The following PEAK1 variants were observed in gnomAD, a reference collection of about 807,000 sequenced individuals.
PEAK1 encodes inactive tyrosine-protein kinase PEAK1.
In PEAK1, 54 loss-of-function variants were observed where a neutral mutation model predicts 124.7. The ratio of observed to expected loss-of-function variants is 0.43; its 90% CI spans 0.35 to 0.54. PEAK1 has a LOEUF of 0.54. Among genes scored for constraint, PEAK1 ranks in the 20% least tolerant of loss-of-function variants. The pLI is 0.01. For synonymous variants in PEAK1, 719 were observed against 760.0 expected (o/e 0.95, Z 0.89); for missense variants, 2,046 against 2,134.5 (o/e 0.96, Z 0.82).
chr15:77,347,848 C>A (rs951233557), intron 2 of PEAK1: 56 of 984,396 alleles, frequency 5.7e-5, no homozygotes, highest in Non-Finnish European at 6.6e-5. Context: ...AAAGCATCTA[C>A]AACATTAAAC....
chr15:77,204,866 T>G (rs2058555598), intron 6 of PEAK1: 1 of 167,426 alleles, frequency 6.0e-6, no homozygotes, highest in Admixed American at 6.5e-5. Context: ...ATTGTGCCAC[T>G]GCACTCCAGC....
chr15:77,132,348 G>C (rs1596298779), intron 9 of PEAK1, among the ~76,000 whole-genome samples: 1 of 151,384 alleles, frequency 6.6e-6, no homozygotes, highest in East Asian at 2.0e-4. Flanking sequence ...GGCTCCCAAA[G>C]TGCTGGGATT....
At chr15:77,378,207 T>TATATATAC (rs942004559) in intron 1 of PEAK1, among the ~76,000 whole-genome samples, 35 of 145,884 alleles carry the variant, frequency 2.4e-4, no homozygotes, top group Non-Finnish European at 4.5e-4. Context: ...TATATATATA[T>TATATATAC]ACATAATCCC....
chr15:77,123,827 G>C (rs1178965170), intron 9 of PEAK1, among the ~76,000 whole-genome samples: 1 of 152,080 alleles, frequency 6.6e-6, no homozygotes, highest in Non-Finnish European at 1.5e-5. Context: ...AACGGCAGAA[G>C]GCCAGCCAAT....
chr15:77,225,531 C>A (rs913064405), intron 6 of PEAK1, among the ~76,000 whole-genome samples: 4 of 151,158 alleles, frequency 2.6e-5, no homozygotes, highest in African/African-American at 9.7e-5. Flanking sequence ...TCATCTGCTG[C>A]AGTTTCTGCT....
chr15:77,286,275 G>C, intron 3 of PEAK1, 148 bp downstream of exon 3: 1 of 397,822 alleles, frequency 2.5e-6, no homozygotes, highest in Non-Finnish European at 4.3e-6. Flanking sequence ...AGTTTGAAAA[G>C]AGCATGTCTT....
chr15:77,263,209 G>A (rs575104601), intron 5 of PEAK1, among the ~76,000 whole-genome samples: 23 of 151,966 alleles, frequency 1.5e-4, no homozygotes, highest in African/African-American at 5.5e-4. Context: ...GAAGCAAGAG[G>A]AAACACATTC....
Position 77,229,025 on chromosome 15 carries a change from T to C in PEAK1, c.-115+23342A>G, listed in dbSNP as rs982326327. Among the ~76,000 whole-genome samples the C allele has an allele frequency of 8.5e-5, 13 of 152,214 alleles. No homozygotes were observed. The East Asian group carries it at 2.3e-3, about 27-fold the overall frequency. ...GTTTGGCCTTTTATTATCAGGCTAC[T>C]CCAGAGGTTCTCATTCCAGCAGCCA... is the stretch of plus-strand genomic sequence containing the variant. On this transcript the variant is annotated intron_variant, in intron 6 of 9. Coordinates refer to ENST00000682557, the MANE Select transcript of PEAK1 (RefSeq NM_001385026.1).
chr15:77,237,430 C>CT (rs35516784), intron 6 of PEAK1, among the ~76,000 whole-genome samples: 42,742 of 145,230 alleles, frequency 0.29, 6,672 homozygotes, highest in Middle Eastern at 0.39. Context: ...GCTATTTAAA[C>CT]TTTTTTTTTT....
At chr15:77,246,757 C>T (rs1048816299) in intron 6 of PEAK1, among the ~76,000 whole-genome samples, 1 of 152,118 alleles carries the variant, frequency 6.6e-6, no homozygotes, top group Admixed American at 6.6e-5. Context: ...TGGTGGCTCA[C>T]GCCTGCAATC....
intron 7 of PEAK1, chr15:77,178,071 T>C (rs1264197990): frequency 6.6e-6 from 1 of 152,192 alleles, no homozygotes; most frequent in African/African-American, 2.4e-5. Context: ...ATATTTATTA[T>C]ATACCTTGCA....
chr15:77,198,573 G>A (rs192255624), intron 6 of PEAK1, among the ~76,000 whole-genome samples: 244 of 152,322 alleles, frequency 1.6e-3, no homozygotes, highest in African/African-American at 5.7e-3. Flanking sequence ...CATCAATGCA[G>A]CAAGGCTAGC....
At chr15:77,339,636 T>C (rs1359459355) in intron 2 of PEAK1, among the ~76,000 whole-genome samples, 1 of 152,186 alleles carries the variant, frequency 6.6e-6, no homozygotes, top group Non-Finnish European at 1.5e-5. Context: ...CCAAAAGCAC[T>C]ATCCAAGAAA....
rs1413705386 is a variant in PEAK1 at position 77,333,675 on chromosome 15, C to G, written c.-603+31488G>C. 3 of 974,262 alleles carry G rather than the reference C, an allele frequency of 3.1e-6. No homozygotes were observed. The East Asian group carries it at 3.4e-4, about 111-fold the overall frequency. The allele number at this position is 974,262 out of a possible 1,614,324, so 60.4% of individuals were successfully genotyped here. A position where few individuals can be genotyped will look rare whatever the true frequency, so the allele number is the denominator to read the frequency against. On this transcript the variant is annotated intron_variant, in intron 2 of 9. Coordinates refer to ENST00000682557, the MANE Select transcript of PEAK1 (RefSeq NM_001385026.1). The stretch of plus-strand genomic sequence containing the variant: ...TGATAATTTTAAGTCAATATTCTTA[C>G]CACTTTTGTTTACTAATTCATTCTC...
intron 6 of PEAK1, among the ~76,000 whole-genome samples, chr15:77,184,824 G>A (rs1266324625): frequency 6.6e-6 from 1 of 152,212 alleles, no homozygotes; most frequent in Admixed American, 6.5e-5. Flanking sequence ...TTGAACCTGG[G>A]TGGCGGAGGT....
intron 6 of PEAK1, among the ~76,000 whole-genome samples, chr15:77,208,342 T>C (rs1440852504): frequency 6.6e-6 from 1 of 152,212 alleles, no homozygotes; most frequent in Non-Finnish European, 1.5e-5. Flanking sequence ...CTCAACTCTA[T>C]GCAATCATGC....
chr15:77,267,212 A>G lies in PEAK1; in HGVS notation c.-274-14686T>C, dbSNP rs1232702733. Among the ~76,000 whole-genome samples, 3 of 152,252 alleles carry G rather than the reference A, an allele frequency of 2.0e-5. No homozygotes were observed. In the East Asian group the frequency reaches 5.8e-4, roughly 29 times the overall value. ...CACACCCCCATCCCCTACAGCAGCC[A>G]CATCCCTGCCCAAGGAGAGTCTGAG... is the stretch of plus-strand genomic sequence containing the variant. On this transcript the variant is annotated intron_variant, in intron 5 of 9. Transcript: ENST00000682557.
At chr15:77,319,219 G>A (rs1413291382) in intron 2 of PEAK1, among the ~76,000 whole-genome samples, 7 of 151,030 alleles carry the variant, frequency 4.6e-5, no homozygotes, top group East Asian at 3.9e-4. Context: ...TCTGGCAAAC[G>A]GAAGGTAAGA....
chr15:77,152,911 T>C (rs1231106029), intron 8 of PEAK1, among the ~76,000 whole-genome samples: 1 of 152,218 alleles, frequency 6.6e-6, no homozygotes, highest in Non-Finnish European at 1.5e-5. Context: ...TTGAGGATTT[T>C]TGCATCAATG....
Sources: allele counts gnomAD v4.1 joint callset (sites outside exome capture counted in the v4.1 genomes callset), GRCh38; gene constraint gnomAD v4.1.1; transcripts MANE v1.5; gene names NCBI Gene and HGNC (gene_info 2026-07-23, HGNC 2026-07-21).